The following TACC1 variants were observed in gnomAD, a reference collection of about 807,000 sequenced individuals.
TACC1 encodes transforming acidic coiled-coil containing protein 1.
TACC1 carries 48 observed loss-of-function variants against 84.4 expected under a neutral mutation model. The ratio of observed to expected loss-of-function variants is 0.57; its 90% CI spans 0.45 to 0.72. The LOEUF (loss-of-function observed/expected upper bound fraction) is 0.72. TACC1 is among the 30% of genes least tolerant of loss of function. TACC1 has a pLI of 0.00. For synonymous variants in TACC1, 372 were observed against 376.3 expected (o/e 0.99, Z 0.13); for missense variants, 920 against 973.0 (o/e 0.95, Z 0.72).
chr8:38,823,846 C>A, intron 3 of TACC1: 1 of 498,646 alleles, frequency 2.0e-6, no homozygotes, highest in Non-Finnish European at 3.6e-6. Flanking sequence ...ATGAATACGA[C>A]ATTTTTAATT....
chr8:38,842,169 A>G (rs1831403477), intron 9 of TACC1, 118 bp from the exon 10 acceptor site: 1 of 1,172,398 alleles, frequency 8.5e-7, no homozygotes, highest in South Asian at 1.5e-5. Context: ...ATAAGCCATA[A>G]GAGCGGGAAT....
intron 3 of TACC1, among the ~76,000 whole-genome samples, chr8:38,779,753 A>G (rs1815557108): frequency 3.3e-5 from 5 of 152,206 alleles, no homozygotes; most frequent in Admixed American, 3.3e-4. Flanking sequence ...GACCTTCTGA[A>G]ACCCTTCCTT....
intron 2 of TACC1, among the ~76,000 whole-genome samples, chr8:38,792,679 A>T (rs534440559): frequency 6.6e-6 from 1 of 152,168 alleles, no homozygotes; most frequent in African/African-American, 2.4e-5. Context: ...GTTAGCCAGG[A>T]TGGTCTCGAT....
At chr8:38,817,942 A>C (rs1013030214) in intron 2 of TACC1, among the ~76,000 whole-genome samples, 4 of 150,012 alleles carry the variant, frequency 2.7e-5, no homozygotes, top group Non-Finnish European at 5.9e-5. Context: ...AAAAAAAAAA[A>C]AAAAACAGGC....
At chr8:38,824,056 G>A (rs765763505) in intron 3 of TACC1, 2 of 1,350,218 alleles carry the variant, frequency 1.5e-6, no homozygotes, top group South Asian at 1.1e-5. Flanking sequence ...TTTAGTCCCT[G>A]GGACCGTTGG....
chr8:38,847,948 CT>C lies in TACC1; in HGVS notation c.2350-4del, dbSNP rs1229378036. The stretch of plus-strand genomic sequence containing the variant: ...TGGCCTGCATAATTATGTCATTTGT[CT>C]TTCAGAACCAAGAAATTGAAGAACT... On this transcript the variant is annotated splice_region_variant and splice_polypyrimidine_tract_variant and intron_variant, in intron 12 of 12. Coordinates refer to ENST00000317827, the MANE Select transcript of TACC1 (RefSeq NM_006283.3). 1 of 1,613,106 alleles carries C rather than the reference CT, an allele frequency of 6.2e-7. No homozygotes were observed. The highest frequency in any genetic ancestry group is 8.5e-7 in the Non-Finnish European group (1 of 1,179,474).
chr8:38,827,024 C>T (rs1828228060), intron 4 of TACC1, 144 bp from the exon 5 acceptor site: 1 of 645,882 alleles, frequency 1.5e-6, no homozygotes. Flanking sequence ...ACTCCAACTT[C>T]CTCCTTGCTT....
chr8:38,812,023 G>C (rs1279304968), intron 2 of TACC1, among the ~76,000 whole-genome samples: 1 of 152,174 alleles, frequency 6.6e-6, no homozygotes, highest in Non-Finnish European at 1.5e-5. Flanking sequence ...ATGCGGTTGA[G>C]ATAAGGACTG....
At chr8:38,771,630 T>G (rs1285236581) in intron 3 of TACC1, among the ~76,000 whole-genome samples, 2 of 152,182 alleles carry the variant, frequency 1.3e-5, no homozygotes, top group Non-Finnish European at 2.9e-5. Context: ...TGCGCATGGG[T>G]GTCACCTGGA....
At chr8:38,819,474 C>A (rs1372798144) in intron 2 of TACC1, 48 bp from the exon 3 acceptor site, 3 of 1,546,950 alleles carry the variant, frequency 1.9e-6, no homozygotes, top group Admixed American at 3.9e-5. Context: ...AGGATACTTA[C>A]CAGTGACAGA....
chr8:38,773,640 G>T (rs1471888740), intron 3 of TACC1, among the ~76,000 whole-genome samples: 2 of 134,614 alleles, frequency 1.5e-5, no homozygotes, highest in Non-Finnish European at 3.4e-5. Flanking sequence ...TGTTCCATTT[G>T]TCCAAATAAG....
chr8:38,807,794 A>G (rs1483929536), intron 2 of TACC1, among the ~76,000 whole-genome samples: 1 of 152,248 alleles, frequency 6.6e-6, no homozygotes, highest in African/African-American at 2.4e-5. Context: ...ACAGGGTACA[A>G]ACTAGAATAT....
intron 7 of TACC1, among the ~76,000 whole-genome samples, chr8:38,837,578 AC>A (rs1830477682): frequency 6.6e-6 from 1 of 152,184 alleles, no homozygotes; most frequent in East Asian, 1.9e-4. Flanking sequence ...AGCACGCACC[AC>A]TGTCCCTGGC....
At chr8:38,777,146 C>G (rs1814964584) in intron 3 of TACC1, among the ~76,000 whole-genome samples, 1 of 151,818 alleles carries the variant, frequency 6.6e-6, no homozygotes, top group South Asian at 2.1e-4. Flanking sequence ...ATCCCAGCCA[C>G]TCTGGAGGCT....
intron 1 of TACC1, among the ~76,000 whole-genome samples, chr8:38,729,802 G>T (rs1309954583): frequency 6.6e-6 from 1 of 152,180 alleles, no homozygotes; most frequent in Admixed American, 6.5e-5. Flanking sequence ...CCGGGAGGTG[G>T]AGGTTATAGT....
chr8:38,768,523 A>G (rs1812724095), intron 3 of TACC1, among the ~76,000 whole-genome samples: 1 of 152,166 alleles, frequency 6.6e-6, no homozygotes, highest in South Asian at 2.1e-4. Flanking sequence ...AGCAGAAGGA[A>G]CGGGAGTGTC....
chr8:38,813,129 C>T (rs1824606030), intron 2 of TACC1, among the ~76,000 whole-genome samples: 1 of 152,132 alleles, frequency 6.6e-6, no homozygotes, highest in Admixed American at 6.5e-5. Flanking sequence ...TATCATGTTT[C>T]TTAGTTTTCT....
intron 3 of TACC1, among the ~76,000 whole-genome samples, chr8:38,763,017 G>C (rs1811522736): frequency 6.6e-6 from 1 of 152,172 alleles, no homozygotes; most frequent in Non-Finnish European, 1.5e-5. Flanking sequence ...CATAGTGGCT[G>C]CACCATTTGT....
At chr8:38,840,329 C>T in intron 9 of TACC1, 62 bp downstream of exon 9, 1 of 1,448,770 alleles carries the variant, frequency 6.9e-7, no homozygotes, top group Non-Finnish European at 9.6e-7. Context: ...GTCTGTTCAG[C>T]CTGGTATAAC....
Sources: gnomAD v4.1 joint callset for allele counts (sites outside exome capture counted in the v4.1 genomes callset) on GRCh38, gnomAD v4.1.1 for gene constraint, MANE v1.5 for transcripts, NCBI Gene and HGNC (gene_info 2026-07-23, HGNC 2026-07-21) for gene names.